THRB: variants seen among roughly 807,000 people sequenced by gnomAD.
THRB encodes the protein nuclear receptor subfamily 1 group A member 2.
THRB carries 12 observed loss-of-function variants against 47.8 expected under a neutral mutation model. The ratio of observed to expected loss-of-function variants is 0.25; its 90% CI spans 0.16 to 0.41. The LOEUF (loss-of-function observed/expected upper bound fraction) is 0.41. THRB is among the 10% of genes least tolerant of loss of function. THRB has a pLI of 1.00. For missense variants in THRB, 348 were observed against 589.2 expected, an observed-to-expected ratio of 0.59 and a Z score of 4.24; for synonymous variants, 218 against 212.2, an observed-to-expected ratio of 1.03 and a Z score of -0.24.
At chr3:24,255,546 A>G (rs2051172625) in intron 3 of THRB, among the ~76,000 whole-genome samples, 3 of 152,204 alleles carry the variant, frequency 2.0e-5, no homozygotes, top group Non-Finnish European at 4.4e-5. Context: ...TTTCTAGACA[A>G]AGTGATGAGT....
At chr3:24,391,938 T>C (rs527366539) in intron 1 of THRB, among the ~76,000 whole-genome samples, 5 of 152,184 alleles carry the variant, frequency 3.3e-5, no homozygotes, top group African/African-American at 7.2e-5. Flanking sequence ...AGAGGCTACA[T>C]AATTCGCACA....
At chr3:24,348,192 T>G (rs2063142582) in intron 1 of THRB, among the ~76,000 whole-genome samples, 1 of 152,160 alleles carries the variant, frequency 6.6e-6, no homozygotes, top group African/African-American at 2.4e-5. Context: ...TAGCTATCAA[T>G]GTAAAGCACT....
At chr3:24,185,641 G>A (rs2042473508) in intron 5 of THRB, among the ~76,000 whole-genome samples, 1 of 152,168 alleles carries the variant, frequency 6.6e-6, no homozygotes, top group South Asian at 2.1e-4. Flanking sequence ...GGAGGTGGGT[G>A]AGTCCCTGCC....
intron 5 of THRB, among the ~76,000 whole-genome samples, chr3:24,181,215 T>C (rs1394464386): frequency 6.6e-6 from 1 of 152,246 alleles, no homozygotes; most frequent in East Asian, 1.9e-4. Flanking sequence ...AATGATTTAA[T>C]ATATTTTTCC....
chr3:24,285,785 C>T (rs1404618656), intron 3 of THRB, among the ~76,000 whole-genome samples: 1 of 152,126 alleles, frequency 6.6e-6, no homozygotes, highest in Non-Finnish European at 1.5e-5. Context: ...AGTGATTTTG[C>T]ATTACATTGA....
intron 3 of THRB, among the ~76,000 whole-genome samples, chr3:24,268,221 A>C (rs1433096480): frequency 1.3e-5 from 2 of 151,968 alleles, no homozygotes; most frequent in Non-Finnish European, 2.9e-5. Context: ...ACAGCCAAAC[A>C]AACAAAAAAA....
At chr3:24,420,593 GA>G (rs1354930620) in intron 1 of THRB, among the ~76,000 whole-genome samples, 3 of 151,782 alleles carry the variant, frequency 2.0e-5, no homozygotes, top group African/African-American at 4.8e-5. Context: ...ACAAGCATAT[GA>G]AAAAAAGCTC....
At chr3:24,133,276 ATAAT>A (rs761476228) in intron 9 of THRB, 36 bp downstream of exon 9, 244 of 1,609,540 alleles carry the variant, frequency 1.5e-4, no homozygotes, top group Non-Finnish European at 1.6e-4. Flanking sequence ...TGATGAAACT[ATAAT>A]TAAGAATAAT....
chr3:24,487,378 T>C (rs6550875), intron 1 of THRB, among the ~76,000 whole-genome samples: 1 of 151,728 alleles, frequency 6.6e-6, no homozygotes, highest in African/African-American at 2.4e-5. Context: ...ACAAATAAAA[T>C]GGTGATCAAA....
At position 24,121,076 on chromosome 3, in the gene THRB, T is replaced by A. The variant is rs2031596610; in HGVS notation, c.*1808A>T. On this transcript the variant is annotated 3_prime_UTR_variant, in exon 11 of 11. Transcript: ENST00000646209. ...CCTTAACTGTTAAGTGGGCCATACTTCTTGTCTAATAAAGTTAGGAATTTA... is the reference window on the plus strand; with the variant it reads ...CCTTAACTGTTAAGTGGGCCATACTACTTGTCTAATAAAGTTAGGAATTTA... The A allele has an allele frequency of 6.6e-6, 1 of 152,200 alleles. No homozygotes were observed. The highest frequency in any genetic ancestry group is 2.4e-5 in the African/African-American group (1 of 41,456). 9.4% of individuals were successfully genotyped at this position (152,200 alleles called of 1,614,324 possible). A position where few individuals can be genotyped will look rare whatever the true frequency, so the allele number is the denominator to read the frequency against.
intron 3 of THRB, among the ~76,000 whole-genome samples, chr3:24,270,966 T>C (rs565458021): frequency 6.6e-6 from 1 of 152,294 alleles, no homozygotes; most frequent in African/African-American, 2.4e-5. Context: ...GCTCCCCCCC[T>C]TTCCAAAATA....
At chr3:24,317,319 A>T (rs1373536833) in intron 2 of THRB, among the ~76,000 whole-genome samples, 1 of 152,136 alleles carries the variant, frequency 6.6e-6, no homozygotes, top group Non-Finnish European at 1.5e-5. Flanking sequence ...ACTGCATGGA[A>T]AATCGAAAGA....
intron 1 of THRB, among the ~76,000 whole-genome samples, chr3:24,362,855 C>A (rs1305130352): frequency 6.6e-6 from 1 of 152,104 alleles, no homozygotes; most frequent in Non-Finnish European, 1.5e-5. Context: ...GACATCAAGA[C>A]ATGTATAATA....
chr3:24,364,110 C>G (rs2149678264), intron 1 of THRB, among the ~76,000 whole-genome samples: 1 of 152,204 alleles, frequency 6.6e-6, no homozygotes, highest in East Asian at 1.9e-4. Flanking sequence ...GGCCTTGCCA[C>G]TCTTAATATA....
At chr3:24,212,577 C>CAAAAA (rs1199010853) in intron 4 of THRB, among the ~76,000 whole-genome samples, 27 of 83,760 alleles carry the variant, frequency 3.2e-4, no homozygotes, top group South Asian at 5.7e-4. Flanking sequence ...GACTCCGTCT[C>CAAAAA]AAAAAAAAAA....
intron 5 of THRB, chr3:24,165,196 C>A (rs747995658): frequency 1.3e-6 from 1 of 764,932 alleles, no homozygotes; most frequent in Non-Finnish European, 2.4e-6. Flanking sequence ...CTGCCCAGGC[C>A]TGTTCCATAT....
intron 1 of THRB, among the ~76,000 whole-genome samples, chr3:24,481,230 T>TTTTTTTTTTTTTG (rs1696330260): frequency 2.1e-5 from 1 of 46,644 alleles, no homozygotes; most frequent in African/African-American, 7.9e-5. Context: ...TTTCTTTCTG[T>TTTTTTTTTTTTTG]TTTTTTTTTT....
intron 3 of THRB, among the ~76,000 whole-genome samples, chr3:24,295,031 C>T (rs748019334): frequency 6.6e-6 from 1 of 152,062 alleles, no homozygotes; most frequent in Non-Finnish European, 1.5e-5. Flanking sequence ...CAAAAATGTC[C>T]CTGTAACTAT....
chr3:24,458,960 A>C (rs1368299861), intron 1 of THRB: 2 of 150,968 alleles, frequency 1.3e-5, no homozygotes, highest in African/African-American at 2.4e-5. Context: ...ATAAATATTT[A>C]TATATTTATT....
Sources: allele counts gnomAD v4.1 joint callset (sites outside exome capture counted in the v4.1 genomes callset), GRCh38; gene constraint gnomAD v4.1.1; transcripts MANE v1.5; gene names NCBI Gene and HGNC (gene_info 2026-07-23, HGNC 2026-07-21).